The following DAP variants were observed in gnomAD, a reference collection of about 807,000 sequenced individuals.
The protein encoded by DAP is death-associated protein 1.
In DAP, 8 loss-of-function variants were observed where a neutral mutation model predicts 13.8. The observed-to-expected ratio is 0.58, with a 90% CI of 0.34 to 1.05. The LOEUF (loss-of-function observed/expected upper bound fraction) is 1.05, where lower values mean the gene tolerates loss of function less well. Among genes scored for constraint, DAP ranks in the 50% least tolerant of loss-of-function variants. DAP has a pLI of 0.03. For synonymous variants in DAP, 47 were observed against 47.5 expected (o/e 0.99, Z 0.04); for missense variants, 106 against 133.2 (o/e 0.80, Z 1.01).
chr5:10,720,776 A>T (rs1739114818), intron 2 of DAP, among the ~76,000 whole-genome samples: 1 of 152,232 alleles, frequency 6.6e-6, no homozygotes, highest in Admixed American at 6.5e-5. Flanking sequence ...CTAGTTGATT[A>T]TAATGGACCT....
At chr5:10,760,256 T>C (rs1740307188) in intron 1 of DAP, among the ~76,000 whole-genome samples, 1 of 152,118 alleles carries the variant, frequency 6.6e-6, no homozygotes, top group Admixed American at 6.5e-5. Context: ...TGTCCCTCCA[T>C]ATGGGCCGAC....
intron 1 of DAP, among the ~76,000 whole-genome samples, chr5:10,757,875 A>G (rs1304837463): frequency 1.3e-5 from 2 of 152,064 alleles, no homozygotes; most frequent in Admixed American, 6.6e-5. Context: ...ATTTTGTGCC[A>G]CCCCGGGAAT....
chr5:10,680,655 AC>A lies in DAP; in HGVS notation c.*400del, dbSNP rs1366956035. 9 of 1,315,010 alleles carry A rather than the reference AC, an allele frequency of 6.8e-6. No homozygotes were observed. The African/African-American group carries it at 1.0e-4, about 15-fold the overall frequency. 81.5% of individuals were successfully genotyped at this position (1,315,010 alleles called of 1,614,324 possible). A position where few individuals can be genotyped will look rare whatever the true frequency, so the allele number is the denominator to read the frequency against. ...AGGTGTTGAGATTTTATTGGCCCAT[AC>A]TAAAAAGCATGCAATGACTGAGGTT... On this transcript the variant is annotated 3_prime_UTR_variant, in exon 4 of 4. Transcript: ENST00000230895.
At chr5:10,729,237 T>C (rs17830967) in intron 2 of DAP, among the ~76,000 whole-genome samples, 7,575 of 152,284 alleles carry the variant, frequency 0.05, 224 homozygotes, top group Middle Eastern at 0.092. Flanking sequence ...TGCTGTTCTG[T>C]AGGTAGGAAT....
At chr5:10,722,255 T>C (rs1441944027) in intron 2 of DAP, among the ~76,000 whole-genome samples, 1 of 152,130 alleles carries the variant, frequency 6.6e-6, no homozygotes, top group African/African-American at 2.4e-5. Context: ...GTGGGCACCA[T>C]CTAATCAGCC....
intron 1 of DAP, among the ~76,000 whole-genome samples, chr5:10,749,546 T>C (rs1167427033): frequency 2.6e-5 from 4 of 152,170 alleles, no homozygotes; most frequent in African/African-American, 7.2e-5. Flanking sequence ...AATTCCTTTA[T>C]GGCTAATATG....
chr5:10,706,389 T>C (rs954576987), intron 2 of DAP, among the ~76,000 whole-genome samples: 4 of 152,202 alleles, frequency 2.6e-5, no homozygotes, highest in African/African-American at 9.7e-5. Context: ...ACAGAGAGGT[T>C]GAATAACCTG....
rs190797085 is a variant in DAP, at chr5:10,737,472, G to A, written c.152+10703C>T. Reference sequence around the variant, plus strand: ...CACACATGGTAGAGAACAGGGACACGCCCCTCTTAAAAGGCAGCTGGCAAC... The same window carrying A: ...CACACATGGTAGAGAACAGGGACACACCCCTCTTAAAAGGCAGCTGGCAAC... On this transcript the variant is annotated intron_variant, in intron 2 of 3. Coordinates refer to ENST00000230895, the MANE Select transcript of DAP (RefSeq NM_004394.3). Among the ~76,000 whole-genome samples the A allele has an allele frequency of 4.6e-5, 7 of 152,190 alleles. No homozygotes were observed. In the East Asian group the frequency reaches 5.8e-4, roughly 13 times the overall value.
chr5:10,727,751 C>G (rs528757181), intron 2 of DAP, among the ~76,000 whole-genome samples: 2 of 152,308 alleles, frequency 1.3e-5, no homozygotes, highest in East Asian at 3.8e-4. Context: ...ATGCAGTCAT[C>G]CCTTGGCATC....
rs2126649503 is a variant in DAP, at chr5:10,707,959, G to A, written c.153-24388C>T. ...TTATTTAGGCTTGAAATTCTTAAGA[G>A]TTGGATGCTACACTGAAGAGCTGAA... On this transcript the variant is annotated intron_variant, in intron 2 of 3. Coordinates refer to ENST00000230895, the MANE Select transcript of DAP (RefSeq NM_004394.3). This position sits in a 1 kb window ranked among gnomAD's most constrained non-coding sequence, Gnocchi z 4.0. 6.6e-6 allele frequency among the ~76,000 whole-genome samples: 1 copy of A among 152,286 alleles called. No individual in the cohort carries two copies. Among genetic ancestry groups the A allele is most frequent in the Non-Finnish European group, 1.5e-5 (1 of 68,024 alleles).
intron 2 of DAP, among the ~76,000 whole-genome samples, chr5:10,698,410 C>G (rs1738484460): frequency 6.6e-6 from 1 of 152,006 alleles, no homozygotes; most frequent in Non-Finnish European, 1.5e-5. Flanking sequence ...ACCCAACAAC[C>G]CTACCTTCAC....
intron 2 of DAP, among the ~76,000 whole-genome samples, chr5:10,734,567 G>A (rs1739556205): frequency 6.6e-6 from 1 of 152,176 alleles, no homozygotes; most frequent in South Asian, 2.1e-4. Flanking sequence ...CAGGACAGGA[G>A]GAATCAGGCT....
chr5:10,761,080 G>C lies in DAP; in HGVS notation c.-12C>G, dbSNP rs772574208. 8.3e-7 allele frequency: 1 copy of C among 1,210,570 alleles called. No homozygotes were observed. Among genetic ancestry groups the C allele is most frequent in the Non-Finnish European group, 1.0e-6 (1 of 962,524 alleles). 75.0% of individuals were successfully genotyped at this position (1,210,570 alleles called of 1,614,324 possible). On this transcript the variant is annotated 5_prime_UTR_variant, in exon 1 of 4. Coordinates refer to ENST00000230895, the MANE Select transcript of DAP (RefSeq NM_004394.3). ...GGAGGCGAAGACATGACGCGGCGGG[G>C]CTTCCGCGGGGCCGAGGCGGCGGCG...
At chr5:10,737,345 C>CAAAAAAA (rs35941385) in intron 2 of DAP, among the ~76,000 whole-genome samples, 21 of 102,808 alleles carry the variant, frequency 2.0e-4, no homozygotes, top group Admixed American at 5.0e-4. Context: ...GACTCTGTCT[C>CAAAAAAA]AAAAAAAAAA....
chr5:10,728,834 G>C (rs56042117), intron 2 of DAP, among the ~76,000 whole-genome samples: 6,278 of 152,274 alleles, frequency 0.041, 195 homozygotes, highest in South Asian at 0.081. Context: ...ATGCGGAGAG[G>C]AAGAGGCAGG....
At chr5:10,735,055 G>A (rs369307497) in intron 2 of DAP, among the ~76,000 whole-genome samples, 23 of 151,982 alleles carry the variant, frequency 1.5e-4, no homozygotes, top group African/African-American at 5.1e-4. Flanking sequence ...TGGTTAACGG[G>A]GTAATGAGTT....
intron 2 of DAP, among the ~76,000 whole-genome samples, chr5:10,727,661 G>C (rs1168653679): frequency 6.6e-6 from 1 of 152,198 alleles, no homozygotes; most frequent in African/African-American, 2.4e-5. Context: ...AAGGGGAGCA[G>C]AGTTTGAGGG....
chr5:10,716,403 TG>T (rs1368327175), intron 2 of DAP, among the ~76,000 whole-genome samples: 1 of 152,138 alleles, frequency 6.6e-6, no homozygotes, highest in Non-Finnish European at 1.5e-5. Context: ...TAGTACTGAG[TG>T]TCAACTTGAT....
intron 2 of DAP, among the ~76,000 whole-genome samples, chr5:10,713,567 C>T (rs781768098): frequency 9.2e-5 from 14 of 152,202 alleles, no homozygotes; most frequent in Non-Finnish European, 1.8e-4. Context: ...AGCTAAGAAG[C>T]CCCCCTGAGA....
Sources: allele counts gnomAD v4.1 joint callset (sites outside exome capture counted in the v4.1 genomes callset), GRCh38; gene constraint gnomAD v4.1.1; non-coding constraint Gnocchi (gnomAD v3.1); transcripts MANE v1.5; gene names NCBI Gene and HGNC (gene_info 2026-07-23, HGNC 2026-07-21).